RACGAP1: variants seen among roughly 807,000 people sequenced by gnomAD.
RACGAP1 encodes the protein rac GTPase-activating protein 1.
In RACGAP1, 30 loss-of-function variants were observed where a neutral mutation model predicts 78.1. The observed-to-expected ratio is 0.38, with a 90% CI of 0.29 to 0.52. The LOEUF is 0.52. Ranked by LOEUF, RACGAP1 falls within the 20% of genes least tolerant of loss-of-function variation. The probability of loss-of-function intolerance (pLI) is 0.82; values close to 1 mark genes in which losing one functional copy is unlikely to be tolerated. For missense variants in RACGAP1, 587 were observed against 777.1 expected (o/e 0.76, Z 2.91); for synonymous variants, 231 against 264.8 (o/e 0.87, Z 1.24).
intron 1 of RACGAP1, among the ~76,000 whole-genome samples, chr12:50,018,833 T>C (rs1026030729): frequency 4.7e-5 from 7 of 150,088 alleles, no homozygotes; most frequent in Non-Finnish European, 8.8e-5. Context: ...CCTGTTCTCT[T>C]GTCCATTTTT....
At chr12:50,007,135 C>G (rs1024768067) in intron 2 of RACGAP1, among the ~76,000 whole-genome samples, 4 of 151,862 alleles carry the variant, frequency 2.6e-5, no homozygotes, top group Admixed American at 1.3e-4. Flanking sequence ...ATGTCTAGAC[C>G]TACAATTCCA....
At chr12:50,013,458 AT>A (rs1480021097) in intron 2 of RACGAP1, among the ~76,000 whole-genome samples, 1 of 152,060 alleles carries the variant, frequency 6.6e-6, no homozygotes, top group African/African-American at 2.4e-5. Flanking sequence ...TACAGGTCTT[AT>A]TATCACAATC....
chr12:49,993,616 G>A (rs1025248434), intron 12 of RACGAP1, among the ~76,000 whole-genome samples: 21 of 143,578 alleles, frequency 1.5e-4, no homozygotes, highest in African/African-American at 3.2e-4. Flanking sequence ...GTATAACACC[G>A]TTAACGCCTG....
intron 2 of RACGAP1, among the ~76,000 whole-genome samples, chr12:50,010,731 G>A (rs1250713885): frequency 2.7e-5 from 4 of 150,284 alleles, no homozygotes; most frequent in Middle Eastern, 3.6e-3. Context: ...TCGGGAGTTC[G>A]AGACCAGCCT....
At position 49,999,673 on chromosome 12, in the gene RACGAP1, C is replaced by T. The variant is rs141502776; in HGVS notation, c.691G>A (p.Glu231Lys). The change falls in exon 8 of 17, where the codon GAA (glutamate) becomes AAA (lysine). Residue 231 changes from glutamate (E) to lysine (K), a missense_variant. Physicochemically the swap from Glu to Lys is moderately conservative, Grantham distance 56. Transcript: ENST00000312377. ...VTVPNDGGPIEAVSTIETVPY... is the reference protein window; with the variant it reads ...VTVPNDGGPIKAVSTIETVPY... The stretch of plus-strand genomic sequence containing the variant: ...ACAGTCTCAATAGTGGACACAGCTT[C>T]GATGGGCCCGCCATCATTGGGAACA... 7.3e-4 allele frequency: 1,179 copies of T among 1,614,182 alleles called. 4 individuals are homozygous for T. The highest frequency in any genetic ancestry group is 8.6e-4 in the Non-Finnish European group (1,010 of 1,180,036).
At chr12:50,012,828 C>G (rs1275339163) in intron 2 of RACGAP1, among the ~76,000 whole-genome samples, 1 of 151,076 alleles carries the variant, frequency 6.6e-6, no homozygotes, top group Non-Finnish European at 1.5e-5. Context: ...CTTTGGGAGG[C>G]CAAGGTGGGA....
chr12:50,005,593 C>A (rs940715356), intron 3 of RACGAP1, among the ~76,000 whole-genome samples: 1 of 152,218 alleles, frequency 6.6e-6, no homozygotes, highest in African/African-American at 2.4e-5. Flanking sequence ...AAATGAACTA[C>A]ATCTAGAACA....
chr12:50,022,320 C>T (rs1370992194), intron 1 of RACGAP1, among the ~76,000 whole-genome samples: 1 of 152,190 alleles, frequency 6.6e-6, no homozygotes, highest in Non-Finnish European at 1.5e-5. Context: ...TGGTGGCTCA[C>T]GCCTGTAATC....
chr12:49,990,592 G>C, intron 16 of RACGAP1, 92 bp downstream of exon 16: 7 of 1,054,928 alleles, frequency 6.6e-6, no homozygotes, highest in Non-Finnish European at 9.9e-6. Flanking sequence ...AGCTAAAATC[G>C]AATGCAATTT....
chr12:49,990,715 C>T lies in RACGAP1; in HGVS notation c.1792G>A (p.Val598Ile), dbSNP rs780291148. The T allele has an allele frequency of 6.2e-7, 1 of 1,613,904 alleles. No homozygotes were observed. The highest frequency in any genetic ancestry group is 1.7e-5 in the Admixed American group (1 of 60,006). The change falls in exon 16 of 17, where the codon GTC (valine) becomes ATC (isoleucine). Residue 598 changes from valine to isoleucine, a missense_variant. Coordinates refer to ENST00000312377, the MANE Select transcript of RACGAP1 (RefSeq NM_001319999.2). ...TPSSSSLSQR[V>I]RSTLTKNTPR... ...GTGTTCTTGGTGAGGGTGGAACGGA[C>T]TCTCTGTGACAGGGAACTAGATGAA...
chr12:49,994,603 A>C, intron 10 of RACGAP1, 94 bp from the exon 11 acceptor site: 12 of 1,483,392 alleles, frequency 8.1e-6, no homozygotes, highest in Non-Finnish European at 1.1e-5. Flanking sequence ...TCTTATTCTC[A>C]AACTGGGACA....
Position 49,992,665 on chromosome 12 carries a change from A to G in RACGAP1, c.1340-10T>C. On this transcript the variant is annotated splice_polypyrimidine_tract_variant and intron_variant, in intron 12 of 16. Coordinates refer to ENST00000312377, the MANE Select transcript of RACGAP1 (RefSeq NM_001319999.2). ...TCTTCATCTGTGATTTCTGTAATTGAAAAGAAAGCACCAAGAGGCCTAGAC... is the reference window on the plus strand; with the variant it reads ...TCTTCATCTGTGATTTCTGTAATTGGAAAGAAAGCACCAAGAGGCCTAGAC... 5 of 1,601,880 alleles carry G rather than the reference A, an allele frequency of 3.1e-6. No individual in the cohort carries two copies. Among genetic ancestry groups the G allele is most frequent in the Non-Finnish European group, 4.3e-6 (5 of 1,174,308 alleles).
chr12:50,025,612 A>G, upstream of RACGAP1: 1 of 939,350 alleles, frequency 1.1e-6, no homozygotes, highest in South Asian at 4.9e-5. Flanking sequence ...GCATTCTGAC[A>G]AAGCGAAGCC....
chr12:50,023,629 AG>A (rs1950121213), intron 1 of RACGAP1, among the ~76,000 whole-genome samples: 1 of 152,170 alleles, frequency 6.6e-6, no homozygotes, highest in Non-Finnish European at 1.5e-5. Flanking sequence ...GCTACTCCGG[AG>A]GCTGAGGCAG....
intron 2 of RACGAP1, among the ~76,000 whole-genome samples, chr12:50,015,594 G>A (rs1413048372): frequency 6.6e-6 from 1 of 151,862 alleles, no homozygotes; most frequent in Admixed American, 6.6e-5. Flanking sequence ...GAGGTCAGGA[G>A]ATCGAGACCA....
intron 16 of RACGAP1, 124 bp downstream of exon 16, chr12:49,990,560 T>C: frequency 1.2e-6 from 1 of 846,580 alleles, no homozygotes; most frequent in Non-Finnish European, 1.9e-6. Context: ...AGCCCCACGT[T>C]CCCTTTTAAA....
chr12:50,022,464 C>A (rs1418896514), intron 1 of RACGAP1, among the ~76,000 whole-genome samples: 1 of 152,140 alleles, frequency 6.6e-6, no homozygotes, highest in African/African-American at 2.4e-5. Context: ...TGCCTGTAAT[C>A]CCAGCTCCTC....
In RACGAP1 at chr12:49,990,093, G is replaced by T; in HGVS notation, c.*175C>A. 2.0e-6 allele frequency: 1 copy of T among 498,238 alleles called. No homozygotes were observed. The highest frequency in any genetic ancestry group is 3.6e-6 in the Non-Finnish European group (1 of 280,158). The allele number at this position is 498,238 out of a possible 1,614,324, so 30.9% of individuals were successfully genotyped here. A position where few individuals can be genotyped will look rare whatever the true frequency, so the allele number is the denominator to read the frequency against. On this transcript the variant is annotated 3_prime_UTR_variant, in exon 17 of 17. Coordinates refer to ENST00000312377, the MANE Select transcript of RACGAP1 (RefSeq NM_001319999.2). ...AAGTGCTGATATTATGTGACTTGAG[G>T]AGAAGGAAGGGGAGATATATATAGT... is the stretch of plus-strand genomic sequence containing the variant.
intron 8 of RACGAP1, 40 bp downstream of exon 8, chr12:49,999,576 T>A: frequency 1.3e-6 from 2 of 1,557,544 alleles, no homozygotes; most frequent in South Asian, 2.2e-5. Context: ...ATTTTGCTAG[T>A]TGTTTTACAC....
Sources: gnomAD v4.1 joint callset for allele counts (sites outside exome capture counted in the v4.1 genomes callset) on GRCh38, gnomAD v4.1.1 for gene constraint, MANE v1.5 for transcripts, NCBI Gene and HGNC (gene_info 2026-07-23, HGNC 2026-07-21) for gene names.